The following KCNIP1 variants were observed in gnomAD, a reference collection of about 807,000 sequenced individuals.
KCNIP1 encodes the protein A-type potassium channel modulatory protein KCNIP1.
Under a neutral mutation model 33.0 loss-of-function variants are expected in KCNIP1, and 18 were observed. The observed-to-expected ratio is 0.55, with a 90% CI of 0.38 to 0.81. The LOEUF (loss-of-function observed/expected upper bound fraction) is 0.81, where lower values mean the gene tolerates loss of function less well. KCNIP1 is among the 30% of genes least tolerant of loss of function. The pLI, the probability that KCNIP1 is intolerant of heterozygous loss-of-function variation, is 0.00. For missense variants in KCNIP1, 238 were observed against 271.6 expected (o/e 0.88, Z 0.87); for synonymous variants, 93 against 98.3 (o/e 0.95, Z 0.32).
At chr5:170,503,845 T>A (rs1581248920), upstream of KCNIP1, among the ~76,000 whole-genome samples, 2 of 151,856 alleles carry the variant, frequency 1.3e-5, no homozygotes, top group East Asian at 3.9e-4. Context: ...CCCGGGTCTG[T>A]CTCTTAGGGT....
chr5:170,531,802 C>T (rs984736043), intron 1 of KCNIP1, among the ~76,000 whole-genome samples: 16 of 151,998 alleles, frequency 1.1e-4, no homozygotes, highest in African/African-American at 3.6e-4. Context: ...GCCCCACCCC[C>T]TGTCCTAAGC....
rs113866348 is a variant in KCNIP1 at position 170,706,721 on chromosome 5, G to A, written c.62-12037G>A. On this transcript the variant is annotated intron_variant, in intron 1 of 7. Transcript: ENST00000328939. The stretch of plus-strand genomic sequence containing the variant: ...TGGCAATTTTACTTTTCCTTTGAGC[G>A]ATTCCTTCAACCTCTCTCTGCCCCT... Among the ~76,000 whole-genome samples the A allele has an allele frequency of 5.0e-3, 756 of 152,248 alleles. 5 individuals are homozygous for A. The highest frequency in any genetic ancestry group is 0.017 in the African/African-American group (705 of 41,534).
At chr5:170,447,664 C>T (rs1036893659) in intron 1 of KCNIP1, among the ~76,000 whole-genome samples, 8 of 152,024 alleles carry the variant, frequency 5.3e-5, no homozygotes, top group Admixed American at 3.3e-4. Flanking sequence ...GGGCCAGTTT[C>T]GTCATGTTAT....
intron 1 of KCNIP1, among the ~76,000 whole-genome samples, chr5:170,622,730 C>A (rs1759653420): frequency 6.6e-6 from 1 of 151,662 alleles, no homozygotes; most frequent in South Asian, 2.1e-4. Context: ...GTGTCTGGGG[C>A]CACCAGAAGC....
intron 1 of KCNIP1, among the ~76,000 whole-genome samples, chr5:170,696,900 A>G (rs756030334): frequency 1.8e-4 from 28 of 152,234 alleles, no homozygotes; most frequent in South Asian, 2.1e-4. Flanking sequence ...AGGCTTTAGC[A>G]TAAGGACAGT....
chr5:170,376,085 C>T (rs534493028), intron 1 of KCNIP1: 2 of 151,868 alleles, frequency 1.3e-5, no homozygotes, highest in South Asian at 2.1e-4. Flanking sequence ...TAAATAAGCA[C>T]CCATACATGC....
At chr5:170,690,381 A>G (rs930460923) in intron 1 of KCNIP1, among the ~76,000 whole-genome samples, 3 of 152,252 alleles carry the variant, frequency 2.0e-5, no homozygotes, top group African/African-American at 7.2e-5. Context: ...AAATATTTAC[A>G]GAAGCTTGTT....
chr5:170,632,305 G>A (rs1215631487), intron 1 of KCNIP1, among the ~76,000 whole-genome samples: 1 of 152,234 alleles, frequency 6.6e-6, no homozygotes, highest in Non-Finnish European at 1.5e-5. Context: ...GGATTGACAG[G>A]CTATTAGTCT....
chr5:170,700,757 C>T (rs540909903), intron 1 of KCNIP1, among the ~76,000 whole-genome samples: 52 of 152,238 alleles, frequency 3.4e-4, no homozygotes, highest in East Asian at 2.5e-3. Flanking sequence ...ACCTGGGACA[C>T]GCACACAATA....
intron 1 of KCNIP1, among the ~76,000 whole-genome samples, chr5:170,354,811 T>C (rs1420181947): frequency 6.6e-6 from 1 of 152,106 alleles, no homozygotes; most frequent in Non-Finnish European, 1.5e-5. Flanking sequence ...TTTGTGGAGA[T>C]GATGTCAAGG....
intron 1 of KCNIP1, among the ~76,000 whole-genome samples, chr5:170,403,853 G>A (rs1173795512): frequency 6.6e-6 from 1 of 152,170 alleles, no homozygotes; most frequent in East Asian, 1.9e-4. Context: ...ACACAGTGAA[G>A]CAATTAAAGA....
At position 170,434,093 on chromosome 5, in the gene KCNIP1, C is replaced by G. The variant is rs76585060; in HGVS notation, c.88+80129C>G. Among the ~76,000 whole-genome samples the G allele has an allele frequency of 5.1e-3, 783 of 152,298 alleles. 13 individuals carry two copies. In the South Asian group the frequency reaches 0.057, roughly 11 times the overall value. The stretch of plus-strand genomic sequence containing the variant: ...AGTGACCAAAGCTGAACCAAGCTAT[C>G]TAGGTTCAAATGCTGCTTACTGGCT... On this transcript the variant is annotated intron_variant, in intron 1 of 7. Coordinates refer to the KCNIP1 transcript ENST00000377360.
intron 1 of KCNIP1, among the ~76,000 whole-genome samples, chr5:170,354,490 C>T (rs1018892960): frequency 3.3e-5 from 5 of 152,160 alleles, no homozygotes; most frequent in African/African-American, 7.2e-5. Flanking sequence ...AGGGTTCCAG[C>T]GTCTCGTGCT....
chr5:170,701,332 G>C (rs1763093105), intron 1 of KCNIP1, among the ~76,000 whole-genome samples: 1 of 152,054 alleles, frequency 6.6e-6, no homozygotes, highest in Non-Finnish European at 1.5e-5. Context: ...AATCACCTTG[G>C]GACTTAAATG....
At chr5:170,520,516 A>T (rs1479809946) in intron 1 of KCNIP1, among the ~76,000 whole-genome samples, 2 of 152,180 alleles carry the variant, frequency 1.3e-5, no homozygotes, top group African/African-American at 4.8e-5. Context: ...CTCGCACATC[A>T]TTGGAACTGA....
intron 4 of KCNIP1, 145 bp from the exon 5 acceptor site, chr5:170,722,568 A>G: frequency 1.5e-6 from 1 of 676,426 alleles, no homozygotes; most frequent in South Asian, 1.7e-5. Flanking sequence ...GGAGCTCTTC[A>G]CAGAGCATAG....
intron 1 of KCNIP1, among the ~76,000 whole-genome samples, chr5:170,364,534 C>T (rs904598158): frequency 2.6e-5 from 4 of 152,176 alleles, no homozygotes; most frequent in Non-Finnish European, 4.4e-5. Context: ...ATGCAGACTC[C>T]TCTCAGTGGC....
At chr5:170,567,245 T>C (rs1193320275) in intron 1 of KCNIP1, among the ~76,000 whole-genome samples, 1 of 152,154 alleles carries the variant, frequency 6.6e-6, no homozygotes, top group Non-Finnish European at 1.5e-5. Context: ...AGACCAGGGG[T>C]GCTGCTAAGC....
intron 1 of KCNIP1, among the ~76,000 whole-genome samples, chr5:170,626,583 G>A (rs922475979): frequency 6.6e-6 from 1 of 152,178 alleles, no homozygotes; most frequent in Non-Finnish European, 1.5e-5. Flanking sequence ...CTGGACCAGG[G>A]GCAGAGACAT....
Sources: gnomAD v4.1 joint callset for allele counts (sites outside exome capture counted in the v4.1 genomes callset) on GRCh38, gnomAD v4.1.1 for gene constraint, MANE v1.5 for transcripts, NCBI Gene and HGNC (gene_info 2026-07-23, HGNC 2026-07-21) for gene names.